FAT4: variants seen among roughly 807,000 people sequenced by gnomAD.
FAT4 encodes the protein FAT atypical cadherin 4.
A neutral mutation model predicts 303.9 loss-of-function variants in FAT4; 84 were observed. The observed-to-expected ratio is 0.28, with a 90% CI of 0.23 to 0.33. The LOEUF (loss-of-function observed/expected upper bound fraction) is 0.33, where lower values mean the gene tolerates loss of function less well. FAT4 is among the 10% of genes least tolerant of loss of function. The pLI is 1.00. For synonymous variants in FAT4, 2,307 were observed against 2,298.8 expected, an observed-to-expected ratio of 1.00 and a Z score of -0.10; for missense variants, 6,005 against 6,146.8, an observed-to-expected ratio of 0.98 and a Z score of 0.77.
At chr4:125,436,029 G>C (rs1437950632) in intron 8 of FAT4, among the ~76,000 whole-genome samples, 1 of 147,828 alleles carries the variant, frequency 6.8e-6, no homozygotes, top group Non-Finnish European at 1.5e-5. Flanking sequence ...ATCACACACC[G>C]GGGCCTGTCA....
intron 12 of FAT4, among the ~76,000 whole-genome samples, chr4:125,470,707 T>C (rs1043304716): frequency 6.6e-6 from 1 of 152,210 alleles, no homozygotes; most frequent in Non-Finnish European, 1.5e-5. Context: ...CTAGATTAGA[T>C]GTTGGCTTAA....
At chr4:125,344,623 C>A (rs1004007032) in intron 2 of FAT4, among the ~76,000 whole-genome samples, 1 of 152,038 alleles carries the variant, frequency 6.6e-6, no homozygotes, top group Non-Finnish European at 1.5e-5. Flanking sequence ...TGCCAATGGG[C>A]GTTATTCTGC....
intron 10 of FAT4, among the ~76,000 whole-genome samples, chr4:125,458,298 CA>C (rs1177072375): frequency 6.6e-6 from 1 of 151,956 alleles, no homozygotes; most frequent in East Asian, 1.9e-4. Context: ...TTTTTTCAGA[CA>C]TACCAACTTA....
At chr4:125,435,459 T>C (rs1219051031) in intron 8 of FAT4, among the ~76,000 whole-genome samples, 2 of 152,222 alleles carry the variant, frequency 1.3e-5, no homozygotes, top group African/African-American at 2.4e-5. Flanking sequence ...GTACCAGATA[T>C]ACGGATATGG....
At chr4:125,453,085 G>A (rs963147536) in intron 10 of FAT4, among the ~76,000 whole-genome samples, 1 of 152,062 alleles carries the variant, frequency 6.6e-6, no homozygotes, top group African/African-American at 2.4e-5. Context: ...GTTTTCTCAG[G>A]TGATTCAGTT....
At chr4:125,347,946 C>G (rs956856455) in intron 2 of FAT4, among the ~76,000 whole-genome samples, 1 of 151,664 alleles carries the variant, frequency 6.6e-6, no homozygotes, top group Admixed American at 6.6e-5. Context: ...TTAATACCCT[C>G]TGCATCTATT....
chr4:125,327,989 T>C (rs866990418), intron 2 of FAT4, among the ~76,000 whole-genome samples: 1 of 152,120 alleles, frequency 6.6e-6, no homozygotes, highest in African/African-American at 2.4e-5. Flanking sequence ...CAAGAATTAA[T>C]AAATCTAGGC....
intron 2 of FAT4, among the ~76,000 whole-genome samples, chr4:125,339,914 TTAATTGTA>T (rs964029468): frequency 4.8e-4 from 73 of 152,272 alleles, no homozygotes; most frequent in Middle Eastern, 3.4e-3. Context: ...AATTGTATAG[TTAATTGTA>T]TAATTGTATA....
intron 10 of FAT4, among the ~76,000 whole-genome samples, chr4:125,455,353 C>A (rs1262291646): frequency 6.6e-6 from 1 of 152,108 alleles, no homozygotes; most frequent in Non-Finnish European, 1.5e-5. Flanking sequence ...TGTTTCATTT[C>A]ATTTAAATAT....
In FAT4 at chr4:125,450,912, T is replaced by C; in HGVS notation, c.9902T>C (p.Val3301Ala). The change falls in exon 10 of 18, where the codon GTT becomes GCT. Residue 3301 changes from valine to alanine, a missense_variant. By Grantham distance (64) the Val-to-Ala change is moderately conservative. Transcript: ENST00000394329. Reference protein sequence around the residue: ...KGTNEYVPRFVSKLYYFEISE... With the variant: ...KGTNEYVPRFASKLYYFEISE... ...ACAAATGAATATGTGCCCCGTTTTG[T>C]TTCCAAACTTTACTATTTTGAAATC... The C allele has an allele frequency of 3.7e-6, 6 of 1,614,132 alleles. No individual in the cohort carries two copies. Among genetic ancestry groups the C allele is most frequent in the Non-Finnish European group, 5.1e-6 (6 of 1,180,004 alleles).
intron 8 of FAT4, among the ~76,000 whole-genome samples, chr4:125,445,915 T>G (rs1725808180): frequency 6.6e-6 from 1 of 152,158 alleles, no homozygotes. Flanking sequence ...AATTTTTAGT[T>G]TCATTTAAAA....
Position 125,490,022 on chromosome 4 carries a change from C to T in FAT4, c.13206C>T (p.Gly4402=), listed in dbSNP as rs200101519. The change falls in exon 18 of 18, where the codon GGC becomes GGT. Residue 4402 remains glycine, a synonymous_variant. Coordinates refer to ENST00000394329, the MANE Select transcript of FAT4 (RefSeq NM_001291303.3). ...CCTCAGTGAAGATTGGCTGCCGTGG[C>T]CCGAACATTTGTGCCAGCAACCCCT... ...TDPSVKIGCR[G]PNICASNPCW... 3.1e-6 allele frequency: 5 copies of T among 1,613,974 alleles called. No homozygotes were observed. In the East Asian group the frequency reaches 1.1e-4, roughly 36 times the overall value.
chr4:125,476,248 A>C lies in FAT4; in HGVS notation c.12291A>C (p.Ser4097=). The C allele has an allele frequency of 6.3e-7, 1 of 1,580,462 alleles. No homozygotes were observed. Residue 4097 remains serine (S), a synonymous_variant, in exon 13 of 18, where the codon TCA becomes TCC. Transcript: ENST00000394329. ...GTACTGTCAGTAATGTGGCAGTTTC[A>C]GATGACTGGTAAGGAATAGGATTAG... The part of the protein sequence containing the change: ...GYCTVSNVAV[S]DDWTLDVQPN...
At chr4:125,327,320 G>T (rs964290266) in intron 2 of FAT4, among the ~76,000 whole-genome samples, 1 of 152,146 alleles carries the variant, frequency 6.6e-6, no homozygotes, top group Admixed American at 6.5e-5. Context: ...AGAAGGTGGA[G>T]AATTATTTTT....
In FAT4 at chr4:125,319,699, C is replaced by T. The variant is rs777195892; in HGVS notation, c.3288C>T (p.Asn1096=). Residue 1096 remains asparagine (N), a synonymous_variant, in exon 2 of 18, where the codon AAC becomes AAT. Coordinates refer to ENST00000394329, the MANE Select transcript of FAT4 (RefSeq NM_001291303.3). The part of the protein sequence containing the change: ...VTVILEDVND[N]RPLFNSTNYT... ...TAATTTTAGAAGATGTAAATGATAACAGACCTCTTTTTAACAGTACCAATT... is the reference window on the plus strand; with the variant it reads ...TAATTTTAGAAGATGTAAATGATAATAGACCTCTTTTTAACAGTACCAATT... The T allele has an allele frequency of 3.1e-5, 50 of 1,613,924 alleles. No individual in the cohort carries two copies. The highest frequency in any genetic ancestry group is 4.2e-5 in the Non-Finnish European group (49 of 1,179,904).
chr4:125,411,313 C>T (rs570945937), intron 5 of FAT4, among the ~76,000 whole-genome samples: 83 of 152,068 alleles, frequency 5.5e-4, no homozygotes, highest in African/African-American at 1.7e-3. Context: ...ATCAAGACTA[C>T]TAAGCATGCG....
Position 125,490,237 on chromosome 4 carries a change from T to C in FAT4, c.13421T>C (p.Leu4474Pro). ...CEMVVACLGV[L>P]CPQGKVCKAG... Reference sequence around the variant, plus strand: ...ATGGTGGTGGCCTGTCTTGGCGTCCTCTGTCCTCAGGGGAAGGTGTGCAAA... The same window carrying C: ...ATGGTGGTGGCCTGTCTTGGCGTCCCCTGTCCTCAGGGGAAGGTGTGCAAA... Residue 4474 changes from leucine (L) to proline (P), a missense_variant, in exon 18 of 18, where the codon CTC becomes CCC. Leu to Pro is a moderately conservative substitution (Grantham distance 98). Coordinates refer to ENST00000394329, the MANE Select transcript of FAT4 (RefSeq NM_001291303.3). 1 of 1,614,124 alleles carries C rather than the reference T, an allele frequency of 6.2e-7. No homozygotes were observed. The highest frequency in any genetic ancestry group is 2.2e-5 in the East Asian group (1 of 44,842).
intron 5 of FAT4, among the ~76,000 whole-genome samples, 176 bp downstream of exon 5, chr4:125,408,970 C>A (rs1010150273): frequency 1.3e-5 from 2 of 151,942 alleles, no homozygotes; most frequent in Non-Finnish European, 2.9e-5. Flanking sequence ...AGTACTTTAT[C>A]GGTTAAATTC....
chr4:125,360,914 TTA>T lies in FAT4; in HGVS notation c.5176-37868_5176-37867del, dbSNP rs1165183113. Among the ~76,000 whole-genome samples, 154 of 135,672 alleles carry T rather than the reference TTA, an allele frequency of 1.1e-3. 1 individual carries two copies. The highest frequency in any genetic ancestry group is 3.8e-3 in the Middle Eastern group (1 of 266). 89.0% of individuals were successfully genotyped at this position (135,672 alleles called of 152,430 possible). The stretch of plus-strand genomic sequence containing the variant: ...ATTTATTAAATTTTTTATTTATTTA[TTA>T]TTTATTTTATTTATTTATTTTATTA... On this transcript the variant is annotated intron_variant, in intron 2 of 17. Transcript: ENST00000394329.
Sources: gnomAD v4.1 joint callset for allele counts (sites outside exome capture counted in the v4.1 genomes callset) on GRCh38, gnomAD v4.1.1 for gene constraint, MANE v1.5 for transcripts, NCBI Gene and HGNC (gene_info 2026-07-23, HGNC 2026-07-21) for gene names.